Variants in DTWD2 observed in about 807,000 individuals in gnomAD.
DTWD2 encodes DTW motif tRNA-uridine aminocarboxypropyltransferase 2.
In DTWD2, 39 loss-of-function variants were observed where a neutral mutation model predicts 31.8. That is an observed-to-expected ratio of 1.22 (90% confidence interval 0.95 to 1.60). DTWD2 has a LOEUF of 1.60. DTWD2 is among the 40% of genes most tolerant of loss of function. DTWD2 has a pLI of 0.00. For missense variants in DTWD2, 515 were observed against 381.5 expected (o/e 1.35, Z -2.92); for synonymous variants, 180 against 142.8 (o/e 1.26, Z -1.86).
intron 4 of DTWD2, among the ~76,000 whole-genome samples, chr5:118,881,915 C>A (rs1169584204): frequency 1.3e-5 from 2 of 152,174 alleles, no homozygotes; most frequent in Admixed American, 1.3e-4. Context: ...CATTCCGTCC[C>A]TGCCCCCTTG....
chr5:118,952,352 T>G (rs772256492), intron 1 of DTWD2, among the ~76,000 whole-genome samples: 4 of 152,102 alleles, frequency 2.6e-5, no homozygotes, highest in African/African-American at 4.8e-5. Context: ...TTTAATCACC[T>G]GGGTGCAGGC....
At chr5:118,901,102 CATTTATA>C (rs895982494) in intron 4 of DTWD2, among the ~76,000 whole-genome samples, 2 of 151,960 alleles carry the variant, frequency 1.3e-5, no homozygotes, top group Non-Finnish European at 2.9e-5. Context: ...AATATAATTA[CATTTATA>C]ATTACTTATC....
intron 2 of DTWD2, among the ~76,000 whole-genome samples, chr5:118,943,412 G>A (rs1436700861): frequency 2.6e-5 from 4 of 152,082 alleles, no homozygotes; most frequent in Non-Finnish European, 4.4e-5. Context: ...TTAGCCGGGC[G>A]TTGTGGTGGG....
rs1263550345 is a variant in DTWD2 at position 118,848,091 on chromosome 5, T to C, written c.725A>G (p.Glu242Gly). The change falls in exon 5 of 6, where the codon GAG (glutamate) becomes GGG (glycine). Residue 242 changes from glutamate to glycine, a missense_variant and splice_region_variant. By Grantham distance (98) the Glu-to-Gly change is moderately conservative. Coordinates refer to ENST00000510708, the MANE Select transcript of DTWD2 (RefSeq NM_173666.4). ...AACTATAACCTTACAAAGACGTACC[T>C]CTTGTATGTAATTATTTTTCTCCAA... ...SILEKNNYIQETLLRPLQALC... is the reference protein window; with the variant it reads ...SILEKNNYIQGTLLRPLQALC... The C allele has an allele frequency of 1.9e-6, 3 of 1,562,964 alleles. No individual in the cohort carries two copies. Among genetic ancestry groups the C allele is most frequent in the Non-Finnish European group, 2.6e-6 (3 of 1,160,370 alleles).
intron 4 of DTWD2, among the ~76,000 whole-genome samples, chr5:118,880,607 A>C (rs1752720070): frequency 6.6e-6 from 1 of 152,172 alleles, no homozygotes; most frequent in Admixed American, 6.5e-5. Context: ...ATATACTAAA[A>C]TGCATTTAAA....
At chr5:118,970,701 G>A (rs897372212) in intron 1 of DTWD2, among the ~76,000 whole-genome samples, 3 of 152,142 alleles carry the variant, frequency 2.0e-5, no homozygotes, top group East Asian at 1.9e-4. Flanking sequence ...GATTCTCCAA[G>A]GTCAAAATGA....
At chr5:118,937,479 A>G (rs915717324) in intron 3 of DTWD2, among the ~76,000 whole-genome samples, 8 of 152,030 alleles carry the variant, frequency 5.3e-5, no homozygotes, top group Non-Finnish European at 8.8e-5. Context: ...AGTTATCTGT[A>G]ATCCAGCCAA....
intron 1 of DTWD2, among the ~76,000 whole-genome samples, chr5:118,976,667 A>G (rs1755168650): frequency 6.6e-6 from 1 of 152,252 alleles, no homozygotes; most frequent in South Asian, 2.1e-4. Flanking sequence ...GAATAGACCG[A>G]TAACAAGTTC....
intron 4 of DTWD2, among the ~76,000 whole-genome samples, chr5:118,854,234 G>A (rs572742035): frequency 1.3e-5 from 2 of 152,142 alleles, no homozygotes; most frequent in East Asian, 3.9e-4. Context: ...AATAAGAATT[G>A]TGTTTAATTT....
rs1051818530 is a variant in DTWD2 at position 118,844,597 on chromosome 5, T to A, written c.726+3493A>T. On this transcript the variant is annotated intron_variant, in intron 5 of 5. Transcript: ENST00000510708. ...GAGGTAACATTTTGTATATTACAGA[T>A]AAGAACACAAGTACAAAAAATTATG... 2.6e-5 allele frequency among the ~76,000 whole-genome samples: 4 copies of A among 152,286 alleles called. No homozygotes were observed. The South Asian group carries it at 8.3e-4, about 32-fold the overall frequency.
At chr5:118,921,190 G>A (rs1363458774) in intron 4 of DTWD2, among the ~76,000 whole-genome samples, 1 of 152,012 alleles carries the variant, frequency 6.6e-6, no homozygotes, top group Non-Finnish European at 1.5e-5. Flanking sequence ...TAAAACAGAA[G>A]CCAAAAAGAT....
chr5:118,951,265 G>T, intron 1 of DTWD2, among the ~76,000 whole-genome samples: 1 of 152,168 alleles, frequency 6.6e-6, no homozygotes, highest in East Asian at 1.9e-4. Context: ...AGAAGCCGAG[G>T]AAGAAGTGGG....
intron 1 of DTWD2, among the ~76,000 whole-genome samples, chr5:118,945,893 T>C (rs1205204127): frequency 1.3e-5 from 2 of 152,150 alleles, no homozygotes; most frequent in Non-Finnish European, 2.9e-5. Flanking sequence ...GCCATTACAA[T>C]AGTATACAAA....
intron 1 of DTWD2, among the ~76,000 whole-genome samples, chr5:118,976,532 C>T (rs371254930): frequency 7.6e-4 from 115 of 152,288 alleles, no homozygotes; most frequent in Non-Finnish European, 6.0e-4. Context: ...CACAGAAATA[C>T]AAACTACCAT....
At position 118,978,733 on chromosome 5, in the gene DTWD2, C is replaced by T. The variant is rs554411753; in HGVS notation, c.218+9561G>A. ...CAAAACGTCAACAAATGGCCAGGCA[C>T]GGTGGCTCACACCTGTAATCCCAGC... is the stretch of plus-strand genomic sequence containing the variant. On this transcript the variant is annotated intron_variant, in intron 1 of 5. Transcript: ENST00000510708. 8.5e-5 allele frequency among the ~76,000 whole-genome samples: 13 copies of T among 152,204 alleles called. No homozygotes were observed. The East Asian group carries it at 1.4e-3, about 16-fold the overall frequency.
intron 1 of DTWD2, among the ~76,000 whole-genome samples, chr5:118,968,678 C>T (rs1754910128): frequency 6.6e-6 from 1 of 152,214 alleles, no homozygotes; most frequent in African/African-American, 2.4e-5. Flanking sequence ...CAAAGCATAG[C>T]GCTATGCGGA....
At chr5:118,874,800 T>C (rs1003935467) in intron 4 of DTWD2, among the ~76,000 whole-genome samples, 2 of 152,026 alleles carry the variant, frequency 1.3e-5, no homozygotes, top group African/African-American at 2.4e-5. Flanking sequence ...CAGGATATCA[T>C]CCAGGAGAAC....
intron 4 of DTWD2, among the ~76,000 whole-genome samples, chr5:118,879,035 T>TG (rs56849234): frequency 0.14 from 20,842 of 152,132 alleles, 2,114 homozygotes; most frequent in African/African-American, 0.29. Flanking sequence ...TCTACACTGT[T>TG]GGGGGGCTGT....
At chr5:118,863,638 G>A (rs1752316719) in intron 4 of DTWD2, among the ~76,000 whole-genome samples, 1 of 152,138 alleles carries the variant, frequency 6.6e-6, no homozygotes, top group Non-Finnish European at 1.5e-5. Flanking sequence ...AAAAGGTTTT[G>A]AGTCATTGTA....
Sources: gnomAD v4.1 joint callset for allele counts (sites outside exome capture counted in the v4.1 genomes callset) on GRCh38, gnomAD v4.1.1 for gene constraint, MANE v1.5 for transcripts, NCBI Gene and HGNC (gene_info 2026-07-23, HGNC 2026-07-21) for gene names.